Variants in PPM1F observed in about 807,000 individuals in gnomAD.
PPM1F encodes protein phosphatase 1F.
PPM1F carries 17 observed loss-of-function variants against 35.5 expected under a neutral mutation model. The ratio of observed to expected loss-of-function variants is 0.48; its 90% CI spans 0.33 to 0.72. The LOEUF (loss-of-function observed/expected upper bound fraction) is 0.72, where lower values mean the gene tolerates loss of function less well. PPM1F is among the 30% of genes least tolerant of loss of function. The probability of loss-of-function intolerance (pLI) is 0.02; values close to 1 mark genes in which losing one functional copy is unlikely to be tolerated. For missense variants in PPM1F, 521 were observed against 613.0 expected (o/e 0.85, Z 1.59); for synonymous variants, 241 against 255.5 (o/e 0.94, Z 0.54).
At chr22:21,938,758 C>T (rs6000225) in intron 3 of PPM1F, 4,588 of 209,334 alleles carry the variant, frequency 0.022, 212 homozygotes, top group African/African-American at 0.1. Flanking sequence ...ATTCTTACGC[C>T]CTGTATTTCT....
intron 7 of PPM1F, among the ~76,000 whole-genome samples, chr22:21,924,130 G>T (rs1482869515): frequency 6.6e-6 from 1 of 152,130 alleles, no homozygotes; most frequent in Non-Finnish European, 1.5e-5. Context: ...TTTCAGAGGG[G>T]TAGGTGCCAA....
chr22:21,923,430 C>T lies in PPM1F; in HGVS notation c.1027G>A (p.Ala343Thr). ...QKPYVSGEAD[A>T]ASRALTGSED... is the part of the protein sequence containing the mutation. Reference sequence around the variant, plus strand: ...GAGCCCGTCAGCGCCCGGGAAGCTGCATCGGCCTCCCCAGACACGTAGGGC... The same window carrying T: ...GAGCCCGTCAGCGCCCGGGAAGCTGTATCGGCCTCCCCAGACACGTAGGGC... The change falls in exon 8 of 8, where the codon GCA becomes ACA. Residue 343 changes from alanine to threonine, a missense_variant. Coordinates refer to ENST00000263212, the MANE Select transcript of PPM1F (RefSeq NM_014634.4). The T allele has an allele frequency of 2.5e-6, 4 of 1,612,908 alleles. No homozygotes were observed. Among genetic ancestry groups the T allele is most frequent in the Non-Finnish European group, 3.4e-6 (4 of 1,179,362 alleles).
chr22:21,933,434 A>C lies in PPM1F; in HGVS notation c.704T>G (p.Phe235Cys). Residue 235 changes from phenylalanine (F) to cysteine (C), a missense_variant, in exon 5 of 8, where the codon TTC (phenylalanine) becomes TGC (cysteine). This residue lies in a region of PPM1F where 311 missense variants were observed against 351.5 expected (regional missense o/e 0.88). Coordinates refer to ENST00000263212, the MANE Select transcript of PPM1F (RefSeq NM_014634.4). ...TDPEGALREAFRRTDQMFLRK... is the reference protein window; with the variant it reads ...TDPEGALREACRRTDQMFLRK... The stretch of plus-strand genomic sequence containing the variant: ...GAGAAACATCTGGTCGGTGCGCCGG[A>C]AGGCTTCTCTGAGGGCTCCCTCAGG... The C allele has an allele frequency of 6.2e-7, 1 of 1,612,892 alleles. No homozygotes were observed. The highest frequency in any genetic ancestry group is 8.5e-7 in the Non-Finnish European group (1 of 1,179,908).
At chr22:21,930,792 C>T (rs1024655798) in intron 6 of PPM1F, among the ~76,000 whole-genome samples, 8 of 152,296 alleles carry the variant, frequency 5.3e-5, no homozygotes, top group East Asian at 3.9e-4. Flanking sequence ...CCTCCAGCCT[C>T]GGGGCAGCAT....
In PPM1F at chr22:21,939,826, A is replaced by G; in HGVS notation, c.207-146T>C. 1 of 890,654 alleles carries G rather than the reference A, an allele frequency of 1.1e-6. No individual in the cohort carries two copies. The highest frequency in any genetic ancestry group is 1.7e-6 in the Non-Finnish European group (1 of 593,718). 55.2% of individuals were successfully genotyped at this position (890,654 alleles called of 1,614,324 possible). A position where few individuals can be genotyped will look rare whatever the true frequency, so the allele number is the denominator to read the frequency against. ...CAGGGAGCTGGGACAGGAAGGTCAC[A>G]GGACAGCAAAGGCAGACGCACAACC... On this transcript the variant is annotated intron_variant, in intron 2 of 7. Transcript: ENST00000263212. The surrounding 1 kb of genome is among the most constrained non-coding windows in gnomAD (Gnocchi z 5.1).
At chr22:21,934,441 C>A in intron 3 of PPM1F, 1 of 554,194 alleles carries the variant, frequency 1.8e-6, no homozygotes, top group East Asian at 3.1e-5. Context: ...TCCCATCCCA[C>A]CATGGAGCAA....
chr22:21,923,680 C>CTTTTTT (rs75904175), intron 7 of PPM1F, among the ~76,000 whole-genome samples: 1 of 151,900 alleles, frequency 6.6e-6, no homozygotes. Flanking sequence ...TGAGCTCCCC[C>CTTTTTT]TTTTTTTCTT....
In PPM1F at chr22:21,946,190, C is replaced by T. The variant is rs2070775738; in HGVS notation, c.-60-82G>A. 7.8e-6 allele frequency: 5 copies of T among 637,900 alleles called. No individual in the cohort carries two copies. In the South Asian group the frequency reaches 1.2e-4, roughly 15 times the overall value. 39.5% of individuals were successfully genotyped at this position (637,900 alleles called of 1,614,324 possible). On this transcript the variant is annotated intron_variant, in intron 1 of 7. Transcript: ENST00000263212. ...GTGCCCACCTGCAAGCACCATGTGG[C>T]AGGTGCATGGCCTCATGGTTCAGGG...
At chr22:21,937,963 C>T in intron 3 of PPM1F, 3 of 659,482 alleles carry the variant, frequency 4.5e-6, no homozygotes, top group Non-Finnish European at 6.5e-6. Flanking sequence ...AATACAATCC[C>T]CACTCTGACG....
intron 6 of PPM1F, among the ~76,000 whole-genome samples, chr22:21,930,469 C>T (rs1157034120): frequency 6.6e-6 from 1 of 152,202 alleles, no homozygotes; most frequent in Non-Finnish European, 1.5e-5. Flanking sequence ...CCACAAGGGA[C>T]TGCATGATGA....
At chr22:21,947,577 G>A (rs1465363980) in intron 1 of PPM1F, 2 of 152,234 alleles carry the variant, frequency 1.3e-5, no homozygotes, top group Non-Finnish European at 2.9e-5. Context: ...GAGTTCTAGG[G>A]TGGAGAATTT....
At position 21,933,904 on chromosome 22, in the gene PPM1F, G is replaced by C. The variant is rs187396013; in HGVS notation, c.558+120C>G. ...TAGTCTCTTGCTGGGCAAGTACAGG[G>C]GCTGACGGGTGTCTCTCCTGTCTCA... On this transcript the variant is annotated intron_variant, in intron 4 of 7. Transcript: ENST00000263212. 3.4e-3 allele frequency: 3,387 copies of C among 982,450 alleles called. 14 individuals are homozygous for C. Among genetic ancestry groups the C allele is most frequent in the Non-Finnish European group, 3.7e-3 (2,491 of 674,778 alleles). The allele number at this position is 982,450 out of a possible 1,614,324, so 60.9% of individuals were successfully genotyped here.
At position 21,929,354 on chromosome 22, in the gene PPM1F, A is replaced by T. The variant is rs560984886; in HGVS notation, c.891+1794T>A. 3.3e-5 allele frequency among the ~76,000 whole-genome samples: 5 copies of T among 152,226 alleles called. No individual in the cohort carries two copies. In the South Asian group the frequency reaches 1.0e-3, roughly 32 times the overall value. On this transcript the variant is annotated intron_variant, in intron 6 of 7. Transcript: ENST00000263212. ...GTGTGCTTCTCTTGTGCAAGCTCTG[A>T]TCTCTGTGCTCCACATGCACTGGGA...
At chr22:21,938,550 A>G (rs1311635527) in intron 3 of PPM1F, 7 of 1,072,068 alleles carry the variant, frequency 6.5e-6, no homozygotes, top group South Asian at 4.6e-5. Flanking sequence ...GGATGCACGC[A>G]TGCACTAGTA....
rs1333931287 is a variant in PPM1F at position 21,923,422 on chromosome 22, G to A, written c.1035C>T (p.Ser345=). ...AGTCCTCGGAGCCCGTCAGCGCCCG[G>A]GAAGCTGCATCGGCCTCCCCAGACA... ...PYVSGEADAA[S]RALTGSEDYL... Residue 345 remains serine (S), a synonymous_variant, in exon 8 of 8, where the codon TCC becomes TCT. Coordinates refer to ENST00000263212, the MANE Select transcript of PPM1F (RefSeq NM_014634.4). 3 of 1,613,340 alleles carry A rather than the reference G, an allele frequency of 1.9e-6. No individual in the cohort carries two copies. Among genetic ancestry groups the A allele is most frequent in the Non-Finnish European group, 2.5e-6 (3 of 1,179,658 alleles).
At chr22:21,950,410 ATATT>A (rs2070823500) in intron 1 of PPM1F, 1 of 151,630 alleles carries the variant, frequency 6.6e-6, no homozygotes, top group Admixed American at 6.6e-5. Flanking sequence ...TTAATTTAAA[ATATT>A]TATTTTCCTC....
intron 3 of PPM1F, chr22:21,938,751 C>CT (rs1200243964): frequency 4.4e-6 from 1 of 228,560 alleles, no homozygotes; most frequent in Admixed American, 6.3e-5. Context: ...GCCTGCGATT[C>CT]TTACGCCCTG....
At chr22:21,928,248 C>T (rs193229971) in intron 6 of PPM1F, among the ~76,000 whole-genome samples, 15 of 152,240 alleles carry the variant, frequency 9.9e-5, no homozygotes, top group Admixed American at 1.3e-4. Context: ...ACGGCCAGGC[C>T]GCAGCAGCGT....
Position 21,933,449 on chromosome 22 carries a change from G to A in PPM1F, c.689C>T (p.Ala230Val), listed in dbSNP as rs958510014. ...QPELPTDPEG[A>V]LREAFRRTDQ... ...GGTGCGCCGGAAGGCTTCTCTGAGGGCTCCCTCAGGGTCTGTGGGCAGCTC... is the reference window on the plus strand; with the variant it reads ...GGTGCGCCGGAAGGCTTCTCTGAGGACTCCCTCAGGGTCTGTGGGCAGCTC... Residue 230 changes from alanine (A) to valine (V), a missense_variant, in exon 5 of 8, where the codon GCC (alanine) becomes GTC (valine). Coordinates refer to ENST00000263212, the MANE Select transcript of PPM1F (RefSeq NM_014634.4). 2.5e-6 allele frequency: 4 copies of A among 1,613,118 alleles called. No individual in the cohort carries two copies. Among genetic ancestry groups the A allele is most frequent in the African/African-American group, 1.3e-5 (1 of 74,926 alleles).
Sources: gnomAD v4.1 joint callset for allele counts (sites outside exome capture counted in the v4.1 genomes callset) on GRCh38, gnomAD v4.1.1 for gene constraint, gnomAD v4.1.1 regional missense constraint, Gnocchi (gnomAD v3.1) non-coding constraint, MANE v1.5 for transcripts, NCBI Gene and HGNC (gene_info 2026-07-23, HGNC 2026-07-21) for gene names.